MLLT10: variants seen among roughly 807,000 people sequenced by gnomAD.
MLLT10 encodes MLLT10 histone lysine methyltransferase DOT1L cofactor.
In MLLT10, 30 loss-of-function variants were observed where a neutral mutation model predicts 129.1. That is an observed-to-expected ratio of 0.23 (90% CI 0.17 to 0.32). The LOEUF (loss-of-function observed/expected upper bound fraction) is 0.32, where lower values mean the gene tolerates loss of function less well. Ranked by LOEUF, MLLT10 falls within the 10% of genes least tolerant of loss-of-function variation. The probability of loss-of-function intolerance (pLI) is 1.00; values close to 1 mark genes in which losing one functional copy is unlikely to be tolerated. For missense variants in MLLT10, 1,119 were observed against 1,268.3 expected, an observed-to-expected ratio of 0.88 and a Z score of 1.79; for synonymous variants, 490 against 446.4, an observed-to-expected ratio of 1.10 and a Z score of -1.23.
intron 3 of MLLT10, among the ~76,000 whole-genome samples, chr10:21,555,281 G>T (rs2037747668): frequency 6.6e-6 from 1 of 152,022 alleles, no homozygotes; most frequent in Non-Finnish European, 1.5e-5. Flanking sequence ...GCGGTGCAGT[G>T]GTGTGATCTT....
chr10:21,567,980 C>T lies in MLLT10; in HGVS notation c.241-18314C>T, dbSNP rs539226699. The stretch of plus-strand genomic sequence containing the variant: ...GATCATAGGCGCCTTCCAACACGCC[C>T]GGGTAATTTTTATTTTTAGTAGAGA... On this transcript the variant is annotated intron_variant, in intron 3 of 22. Coordinates refer to ENST00000307729, the MANE Select transcript of MLLT10 (RefSeq NM_001195626.3). 3.3e-5 allele frequency among the ~76,000 whole-genome samples: 5 copies of T among 152,048 alleles called. No homozygotes were observed. The South Asian group carries it at 8.3e-4, about 25-fold the overall frequency.
intron 4 of MLLT10, among the ~76,000 whole-genome samples, chr10:21,588,830 T>C (rs1446710903): frequency 6.6e-6 from 1 of 150,986 alleles, no homozygotes; most frequent in Non-Finnish European, 1.5e-5. Context: ...CTTTTTCTTT[T>C]TTTTTTTTTT....
At chr10:21,691,683 G>A (rs2053860921) in intron 13 of MLLT10, among the ~76,000 whole-genome samples, 1 of 151,966 alleles carries the variant, frequency 6.6e-6, no homozygotes, top group South Asian at 2.1e-4. Context: ...GAAGATAGTA[G>A]TAATTTGAAA....
chr10:21,597,104 TG>T, intron 5 of MLLT10, among the ~76,000 whole-genome samples: 1 of 152,268 alleles, frequency 6.6e-6, no homozygotes, highest in South Asian at 2.1e-4. Flanking sequence ...ACAAACAGGT[TG>T]CAGGAATAGT....
At chr10:21,591,906 A>G (rs371765829) in intron 4 of MLLT10, among the ~76,000 whole-genome samples, 23 of 152,146 alleles carry the variant, frequency 1.5e-4, no homozygotes, top group Middle Eastern at 3.4e-3. Flanking sequence ...TTTTTAGTAG[A>G]GACATAGTTT....
At chr10:21,596,214 G>GT (rs1311638710) in intron 5 of MLLT10, among the ~76,000 whole-genome samples, 2 of 151,846 alleles carry the variant, frequency 1.3e-5, no homozygotes, top group Non-Finnish European at 2.9e-5. Context: ...GTTCATCCAG[G>GT]TTTTTTTCTG....
intron 3 of MLLT10, among the ~76,000 whole-genome samples, chr10:21,581,342 A>G (rs1445844795): frequency 2.0e-5 from 3 of 152,058 alleles, no homozygotes; most frequent in African/African-American, 7.2e-5. Flanking sequence ...CACTGCGCCC[A>G]GCCATATTTG....
rs755504643 is a variant in MLLT10 at position 21,585,590 on chromosome 10, C to T, written c.241-704C>T. Among the ~76,000 whole-genome samples, 20 of 152,302 alleles carry T rather than the reference C, an allele frequency of 1.3e-4. 1 individual carries two copies. The highest frequency in any genetic ancestry group is 3.9e-4 in the Admixed American group (6 of 15,300). On this transcript the variant is annotated intron_variant, in intron 3 of 22. Transcript: ENST00000307729. ...GAAACCAGACCTACTTGACGGCAGTCGTCCTAGCTGACCATAAGACAGGAA... is the reference window on the plus strand; with the variant it reads ...GAAACCAGACCTACTTGACGGCAGTTGTCCTAGCTGACCATAAGACAGGAA...
intron 3 of MLLT10, among the ~76,000 whole-genome samples, chr10:21,545,828 G>A (rs1475306130): frequency 6.6e-6 from 1 of 152,048 alleles, no homozygotes; most frequent in East Asian, 1.9e-4. Context: ...CACTATGTCC[G>A]GCTAATTTTA....
At chr10:21,659,105 C>T (rs147585710) in intron 9 of MLLT10, among the ~76,000 whole-genome samples, 1 of 151,940 alleles carries the variant, frequency 6.6e-6, no homozygotes, top group Admixed American at 6.6e-5. Context: ...GGATGCAGGT[C>T]CTTTGTCAGA....
chr10:21,655,953 G>T (rs1427952797), intron 9 of MLLT10, among the ~76,000 whole-genome samples: 3 of 152,190 alleles, frequency 2.0e-5, no homozygotes, highest in African/African-American at 7.2e-5. Flanking sequence ...GGACATAATA[G>T]GGGAGGTTCA....
intron 4 of MLLT10, among the ~76,000 whole-genome samples, chr10:21,588,811 G>A (rs180766428): frequency 5.9e-4 from 89 of 150,356 alleles, no homozygotes; most frequent in African/African-American, 2.1e-3. Flanking sequence ...TTTTGACTTG[G>A]TTGTTGATCT....
intron 8 of MLLT10, among the ~76,000 whole-genome samples, chr10:21,649,315 G>A (rs2048800140): frequency 6.6e-6 from 1 of 152,132 alleles, no homozygotes; most frequent in East Asian, 1.9e-4. Context: ...TGGCTTAAGT[G>A]ATCCTCCTGC....
At chr10:21,728,833 GC>G (rs1164424831) in intron 16 of MLLT10, among the ~76,000 whole-genome samples, 1 of 151,472 alleles carries the variant, frequency 6.6e-6, no homozygotes, top group East Asian at 1.9e-4. Context: ...TTCAAGACCA[GC>G]CTGGGCAACA....
At chr10:21,575,175 C>T (rs996368069) in intron 3 of MLLT10, among the ~76,000 whole-genome samples, 2 of 150,782 alleles carry the variant, frequency 1.3e-5, no homozygotes, top group Admixed American at 6.6e-5. Context: ...AGGTAGAACC[C>T]TACTTATTTT....
intron 18 of MLLT10, 24 bp downstream of exon 18, chr10:21,733,111 G>T: frequency 1.3e-6 from 2 of 1,565,484 alleles, no homozygotes; most frequent in South Asian, 1.2e-5. Flanking sequence ...TATTTATTTT[G>T]TATCTAAGGA....
intron 13 of MLLT10, among the ~76,000 whole-genome samples, chr10:21,689,723 C>T (rs2053676526): frequency 6.8e-6 from 1 of 147,280 alleles, no homozygotes; most frequent in Non-Finnish European, 1.5e-5. Flanking sequence ...AAAATAACAA[C>T]ATTAGCTATT....
At chr10:21,728,053 T>C in intron 16 of MLLT10, 125 bp downstream of exon 16, 1 of 647,434 alleles carries the variant, frequency 1.5e-6, no homozygotes, top group Non-Finnish European at 2.6e-6. Flanking sequence ...ATAAGAAGCA[T>C]GTCTAGACAA....
chr10:21,697,438 C>G (rs2054488258), intron 13 of MLLT10, among the ~76,000 whole-genome samples: 1 of 152,226 alleles, frequency 6.6e-6, no homozygotes, highest in South Asian at 2.1e-4. Flanking sequence ...TGCACTCCAG[C>G]CTGGGCAACA....
Sources: allele counts gnomAD v4.1 joint callset (sites outside exome capture counted in the v4.1 genomes callset), GRCh38; gene constraint gnomAD v4.1.1; transcripts MANE v1.5; gene names NCBI Gene and HGNC (gene_info 2026-07-23, HGNC 2026-07-21).